SPAG16: variants seen among roughly 807,000 people sequenced by gnomAD.
The protein encoded by SPAG16 is sperm-associated antigen 16 protein.
In SPAG16, 86 loss-of-function variants were observed where a neutral mutation model predicts 80.4. The observed-to-expected ratio is 1.07, with a 90% CI of 0.90 to 1.28. SPAG16 has a LOEUF of 1.28. Ranked by LOEUF, SPAG16 falls within the 50% of genes most tolerant of loss-of-function variation. The probability of loss-of-function intolerance (pLI) is 0.00; values close to 1 mark genes in which losing one functional copy is unlikely to be tolerated. For synonymous variants in SPAG16, 294 were observed against 265.9 expected (o/e 1.11, Z -1.03); for missense variants, 870 against 765.3 (o/e 1.14, Z -1.61).
At chr2:213,597,314 T>A (rs1459238988) in intron 10 of SPAG16, among the ~76,000 whole-genome samples, 1 of 152,176 alleles carries the variant, frequency 6.6e-6, no homozygotes, top group African/African-American at 2.4e-5. Flanking sequence ...AACTTTCTTC[T>A]CAAGTTGCTT....
intron 9 of SPAG16, among the ~76,000 whole-genome samples, chr2:213,431,902 T>A (rs2070325982): frequency 6.6e-6 from 1 of 152,066 alleles, no homozygotes; most frequent in South Asian, 2.1e-4. Flanking sequence ...TCAAGTGTCT[T>A]CTCTAACTAT....
At chr2:213,480,614 G>T (rs181341600) in intron 9 of SPAG16, among the ~76,000 whole-genome samples, 1 of 152,304 alleles carries the variant, frequency 6.6e-6, no homozygotes. Context: ...GTAAAGCATT[G>T]TCTAGCACTA....
intron 10 of SPAG16, among the ~76,000 whole-genome samples, chr2:213,531,747 T>C (rs578126005): frequency 2.6e-5 from 4 of 152,168 alleles, no homozygotes; most frequent in Non-Finnish European, 5.9e-5. Flanking sequence ...TTTTGAAATC[T>C]CTCATTCATC....
At chr2:213,387,431 CTTTTTTT>C (rs71060428) in intron 9 of SPAG16, among the ~76,000 whole-genome samples, 7 of 47,910 alleles carry the variant, frequency 1.5e-4, no homozygotes, top group East Asian at 7.1e-4. Flanking sequence ...AATGCATGCT[CTTTTTTT>C]TTTTTTTTTT....
At chr2:213,375,394 T>C (rs556892404) in intron 9 of SPAG16, among the ~76,000 whole-genome samples, 17 of 152,070 alleles carry the variant, frequency 1.1e-4, no homozygotes, top group African/African-American at 4.1e-4. Flanking sequence ...CCTGCTAACT[T>C]TTCTGCTTGA....
rs544093056 is a variant in SPAG16 at position 213,878,462 on chromosome 2, C to T, written c.1214+15834C>T. Among the ~76,000 whole-genome samples the T allele has an allele frequency of 2.0e-5, 3 of 152,002 alleles. No individual in the cohort carries two copies. The East Asian group carries it at 5.8e-4, about 29-fold the overall frequency. On this transcript the variant is annotated intron_variant, in intron 11 of 15. Coordinates refer to ENST00000331683, the MANE Select transcript of SPAG16 (RefSeq NM_024532.5). Reference sequence around the variant, plus strand: ...TTGTCTGTCTTCTTTTGGAAAATATCTATTCATTTTCTTTGCCCACTTTTT... The same window carrying T: ...TTGTCTGTCTTCTTTTGGAAAATATTTATTCATTTTCTTTGCCCACTTTTT...
At chr2:214,153,528 C>T (rs1269333174) in intron 15 of SPAG16, among the ~76,000 whole-genome samples, 2 of 152,046 alleles carry the variant, frequency 1.3e-5, no homozygotes, top group African/African-American at 2.4e-5. Flanking sequence ...TGGCTTGCCA[C>T]CCACAGTCTA....
chr2:213,697,501 G>T (rs1167833527), intron 10 of SPAG16, among the ~76,000 whole-genome samples: 1 of 152,136 alleles, frequency 6.6e-6, no homozygotes, highest in Non-Finnish European at 1.5e-5. Flanking sequence ...AGACTTTGCA[G>T]ATGTGAAAAA....
intron 10 of SPAG16, among the ~76,000 whole-genome samples, chr2:213,781,895 C>T (rs1468419758): frequency 2.0e-5 from 3 of 152,158 alleles, no homozygotes; most frequent in Non-Finnish European, 2.9e-5. Flanking sequence ...TCTCCAAAAT[C>T]CTTTTGGAAA....
intron 10 of SPAG16, among the ~76,000 whole-genome samples, chr2:213,522,295 A>T (rs974891542): frequency 6.6e-6 from 1 of 152,244 alleles, no homozygotes; most frequent in Non-Finnish European, 1.5e-5. Context: ...TTTATTGACA[A>T]ATCAAGGTAT....
At chr2:213,679,704 G>A (rs765781269) in intron 10 of SPAG16, among the ~76,000 whole-genome samples, 1 of 152,126 alleles carries the variant, frequency 6.6e-6, no homozygotes, top group South Asian at 2.1e-4. Context: ...CTTAAGAATG[G>A]CATGATACTT....
intron 12 of SPAG16, among the ~76,000 whole-genome samples, chr2:213,948,802 T>A (rs1389417065): frequency 6.6e-6 from 1 of 152,174 alleles, no homozygotes; most frequent in African/African-American, 2.4e-5. Context: ...AATAAATGTA[T>A]TTTACACATA....
At chr2:213,730,886 G>A (rs930894771) in intron 10 of SPAG16, among the ~76,000 whole-genome samples, 1 of 152,054 alleles carries the variant, frequency 6.6e-6, no homozygotes, top group Non-Finnish European at 1.5e-5. Context: ...TTTGCACTTC[G>A]GGTTGGGAAG....
intron 10 of SPAG16, among the ~76,000 whole-genome samples, chr2:213,573,359 A>C (rs1034571479): frequency 6.6e-6 from 1 of 152,202 alleles, no homozygotes; most frequent in Non-Finnish European, 1.5e-5. Flanking sequence ...TTTCTCTGTG[A>C]TAATTTTTGA....
chr2:213,635,268 C>T (rs992253856), intron 10 of SPAG16, among the ~76,000 whole-genome samples: 7 of 152,054 alleles, frequency 4.6e-5, no homozygotes, highest in African/African-American at 7.2e-5. Context: ...ATCTCCTGAC[C>T]TTGTGATCTG....
At chr2:213,454,118 G>A (rs2125586772) in intron 9 of SPAG16, among the ~76,000 whole-genome samples, 1 of 152,214 alleles carries the variant, frequency 6.6e-6, no homozygotes, top group East Asian at 1.9e-4. Context: ...CGGGGAACAT[G>A]TAACCACAAC....
At chr2:214,358,610 TACC>T (rs1698973437) in intron 15 of SPAG16, among the ~76,000 whole-genome samples, 1 of 151,766 alleles carries the variant, frequency 6.6e-6, no homozygotes, top group Non-Finnish European at 1.5e-5. Flanking sequence ...CTGCTTCTCA[TACC>T]ACCCCTGTAG....
chr2:214,190,876 G>A (rs930310929), intron 15 of SPAG16, among the ~76,000 whole-genome samples: 2 of 152,128 alleles, frequency 1.3e-5, no homozygotes, highest in African/African-American at 4.8e-5. Context: ...AACTGTTGTT[G>A]TTTATCAGCT....
At chr2:213,326,814 T>C (rs1228448557) in intron 5 of SPAG16, among the ~76,000 whole-genome samples, 1 of 152,008 alleles carries the variant, frequency 6.6e-6, no homozygotes, top group African/African-American at 2.4e-5. Flanking sequence ...TAAATGATCA[T>C]TCAAAAATAC....
Sources: allele counts gnomAD v4.1 joint callset (sites outside exome capture counted in the v4.1 genomes callset), GRCh38; gene constraint gnomAD v4.1.1; transcripts MANE v1.5; gene names NCBI Gene and HGNC (gene_info 2026-07-23, HGNC 2026-07-21).